DNAJC2: variants seen among roughly 807,000 people sequenced by gnomAD.
DNAJC2 encodes the protein dnaJ homolog subfamily C member 2.
A neutral mutation model predicts 94.0 loss-of-function variants in DNAJC2; 32 were observed. The ratio of observed to expected loss-of-function variants is 0.34; its 90% CI spans 0.26 to 0.46. The LOEUF (loss-of-function observed/expected upper bound fraction) is 0.46. Among genes scored for constraint, DNAJC2 ranks in the 20% least tolerant of loss-of-function variants. The pLI, the probability that DNAJC2 is intolerant of heterozygous loss-of-function variation, is 1.00. For missense variants in DNAJC2, 550 were observed against 719.5 expected, an observed-to-expected ratio of 0.76 and a Z score of 2.69; for synonymous variants, 210 against 229.7, an observed-to-expected ratio of 0.91 and a Z score of 0.77.
rs1332194393 is a variant in DNAJC2, at chr7:103,319,601, T to C, written c.1242+8A>G. On this transcript the variant is annotated splice_region_variant and intron_variant, in intron 12 of 16. Coordinates refer to ENST00000379263, the MANE Select transcript of DNAJC2 (RefSeq NM_014377.3). ...CATATAGGTAGGAGTGATGTGTTCC[T>C]CTATTACCTGTTTTTCCAAAGCAGC... 1.2e-6 allele frequency: 2 copies of C among 1,613,672 alleles called. No individual in the cohort carries two copies. The highest frequency in any genetic ancestry group is 1.3e-5 in the African/African-American group (1 of 74,916).
At chr7:103,342,821 G>A (rs1184645769) in intron 1 of DNAJC2, among the ~76,000 whole-genome samples, 1 of 151,222 alleles carries the variant, frequency 6.6e-6, no homozygotes, top group Non-Finnish European at 1.5e-5. Context: ...TATTAGCCAG[G>A]ATGGTCTTGA....
In DNAJC2 at chr7:103,332,384, G is replaced by C. The variant is rs1819012980; in HGVS notation, c.332-4630C>G. 2.0e-5 allele frequency among the ~76,000 whole-genome samples: 3 copies of C among 151,906 alleles called. No individual in the cohort carries two copies. In the South Asian group the frequency reaches 6.2e-4, roughly 32 times the overall value. ...AGGAATTGTTTGTAGGATTTTTTGGGCTCTCTTTGCTAGGTTTTGCATACT... is the reference window on the plus strand; with the variant it reads ...AGGAATTGTTTGTAGGATTTTTTGGCCTCTCTTTGCTAGGTTTTGCATACT... On this transcript the variant is annotated intron_variant, in intron 3 of 16. Transcript: ENST00000379263.
chr7:103,324,926 A>C (rs541561024), intron 5 of DNAJC2, among the ~76,000 whole-genome samples: 1 of 152,264 alleles, frequency 6.6e-6, no homozygotes, highest in East Asian at 1.9e-4. Flanking sequence ...GCACAACAAC[A>C]ACCTGTAGGC....
intron 5 of DNAJC2, among the ~76,000 whole-genome samples, chr7:103,325,747 TA>T (rs11354875): frequency 0.22 from 34,064 of 152,138 alleles, 6,139 homozygotes; most frequent in African/African-American, 0.5. Context: ...TATTGGTACA[TA>T]ACTATTTTAA....
In DNAJC2 at chr7:103,316,712, G is replaced by A. The variant is rs937581422; in HGVS notation, c.1427+118C>T. Reference sequence around the variant, plus strand: ...ACCTCACTTTTCACACTTTTCTGCTGTGGCACAGAATTTATCTCTGCAAGT... The same window carrying A: ...ACCTCACTTTTCACACTTTTCTGCTATGGCACAGAATTTATCTCTGCAAGT... On this transcript the variant is annotated intron_variant, in intron 13 of 16. Transcript: ENST00000379263. The A allele has an allele frequency of 4.0e-5, 35 of 866,388 alleles. No homozygotes were observed. The African/African-American group carries it at 5.4e-4, about 13-fold the overall frequency. The allele number at this position is 866,388 out of a possible 1,614,324, so 53.7% of individuals were successfully genotyped here.
At chr7:103,317,332 A>C (rs1168573841) in intron 12 of DNAJC2, 10 of 267,794 alleles carry the variant, frequency 3.7e-5, no homozygotes, top group Admixed American at 5.0e-5. Context: ...GGCCATTTCA[A>C]ACCTCTCTTC....
At chr7:103,327,919 TTTC>T (rs1365427296) in intron 3 of DNAJC2, among the ~76,000 whole-genome samples, 165 bp from the exon 4 acceptor site, 8 of 152,172 alleles carry the variant, frequency 5.3e-5, no homozygotes, top group African/African-American at 7.2e-5. Context: ...AACTGATTTA[TTTC>T]TTCTTATTAT....
Position 103,319,659 on chromosome 7 carries a change from T to C in DNAJC2, c.1192A>G (p.Thr398Ala), listed in dbSNP as rs1279053909. 6.2e-7 allele frequency: 1 copy of C among 1,614,144 alleles called. No individual in the cohort carries two copies. The highest frequency in any genetic ancestry group is 2.2e-5 in the East Asian group (1 of 44,866). The change falls in exon 12 of 17, where the codon ACA becomes GCA. Residue 398 changes from threonine to alanine, a missense_variant. Transcript: ENST00000379263. ...ELASLQCLNE[T>A]LTSCTKEVGK... Reference sequence around the variant, plus strand: ...ACTTCTTTTGTGCATGATGTGAGTGTTTCATTCAAGCACTGTAAGCTAAAG... The same window carrying C: ...ACTTCTTTTGTGCATGATGTGAGTGCTTCATTCAAGCACTGTAAGCTAAAG...
chr7:103,315,971 G>T lies in DNAJC2; in HGVS notation c.1528+17C>A. The T allele has an allele frequency of 6.3e-7, 1 of 1,576,300 alleles. No homozygotes were observed. Among genetic ancestry groups the T allele is most frequent in the Non-Finnish European group, 8.6e-7 (1 of 1,157,434 alleles). ...AAATAGGTGTTTAAAGTAACAAATG[G>T]ACTTCTCAAAACTCACCAAGTTTTT... On this transcript the variant is annotated intron_variant, in intron 14 of 16. Coordinates refer to ENST00000379263, the MANE Select transcript of DNAJC2 (RefSeq NM_014377.3).
chr7:103,320,653 A>G (rs1818336692), intron 10 of DNAJC2, among the ~76,000 whole-genome samples: 1 of 150,988 alleles, frequency 6.6e-6, no homozygotes, highest in Non-Finnish European at 1.5e-5. Context: ...CTGAGGCAGG[A>G]GCATGGCGTG....
chr7:103,312,403 C>T lies in DNAJC2; in HGVS notation c.*166G>A. ...ATCATACTTTCAAAGGATAAAAAGA[C>T]TACCCCTCTGAAGGTTGTTTTGTAT... On this transcript the variant is annotated 3_prime_UTR_variant, in exon 17 of 17. Coordinates refer to ENST00000379263, the MANE Select transcript of DNAJC2 (RefSeq NM_014377.3). 6.6e-7 allele frequency: 1 copy of T among 1,513,326 alleles called. No homozygotes were observed. The highest frequency in any genetic ancestry group is 8.8e-7 in the Non-Finnish European group (1 of 1,140,040). The allele number at this position is 1,513,326 out of a possible 1,614,324, so 93.7% of individuals were successfully genotyped here. A position where few individuals can be genotyped will look rare whatever the true frequency, so the allele number is the denominator to read the frequency against.
intron 3 of DNAJC2, among the ~76,000 whole-genome samples, chr7:103,332,460 T>A (rs1161083805): frequency 1.3e-5 from 2 of 152,196 alleles, no homozygotes; most frequent in African/African-American, 4.8e-5. Context: ...TCCAAAACAG[T>A]TTATGATTAA....
At chr7:103,333,503 C>G (rs559121064) in intron 3 of DNAJC2, among the ~76,000 whole-genome samples, 88 of 152,280 alleles carry the variant, frequency 5.8e-4, no homozygotes, top group African/African-American at 2.0e-3. Context: ...TCTGATTCAG[C>G]GGAGATAAAA....
At chr7:103,342,036 TAAAATC>T in intron 1 of DNAJC2, 82 bp from the exon 2 acceptor site, 4 of 1,167,478 alleles carry the variant, frequency 3.4e-6, no homozygotes, top group Non-Finnish European at 4.7e-6. Context: ...TTTCAGGAAA[TAAAATC>T]AAAACAGTGA....
At chr7:103,323,178 C>A (rs937505530) in intron 7 of DNAJC2, among the ~76,000 whole-genome samples, 2 of 152,188 alleles carry the variant, frequency 1.3e-5, no homozygotes, top group African/African-American at 4.8e-5. Context: ...GATCTGCCCG[C>A]CTCAGCCTCC....
At position 103,312,404 on chromosome 7, in the gene DNAJC2, T is replaced by C. The variant is rs1215801887; in HGVS notation, c.*165A>G. On this transcript the variant is annotated 3_prime_UTR_variant, in exon 17 of 17. Coordinates refer to ENST00000379263, the MANE Select transcript of DNAJC2 (RefSeq NM_014377.3). The stretch of plus-strand genomic sequence containing the variant: ...TCATACTTTCAAAGGATAAAAAGAC[T>C]ACCCCTCTGAAGGTTGTTTTGTATT... The C allele has an allele frequency of 5.3e-6, 8 of 1,513,114 alleles. No individual in the cohort carries two copies. The highest frequency in any genetic ancestry group is 1.4e-5 in the African/African-American group (1 of 71,150). 93.7% of individuals were successfully genotyped at this position (1,513,114 alleles called of 1,614,324 possible). A position where few individuals can be genotyped will look rare whatever the true frequency, so the allele number is the denominator to read the frequency against.
rs1586124120 is a variant in DNAJC2, at chr7:103,344,590, C to G, written c.33G>C (p.Arg11=). ...TCAGAGCGTGGGTGATGGCGGTGCC[C>G]CGGCCGTCCGCGGCGCTTGGCAGAA... MLLLPSAADG[R]GTAITHALTS... The change falls in exon 1 of 17, where the codon CGG becomes CGC. Residue 11 remains arginine, a synonymous_variant. Coordinates refer to ENST00000379263, the MANE Select transcript of DNAJC2 (RefSeq NM_014377.3). The G allele has an allele frequency of 6.2e-7, 1 of 1,613,146 alleles. No individual in the cohort carries two copies. Among genetic ancestry groups the G allele is most frequent in the Non-Finnish European group, 8.5e-7 (1 of 1,179,958 alleles).
At chr7:103,326,516 A>T (rs1213359668) in intron 5 of DNAJC2, 27 bp downstream of exon 5, 14 of 1,612,586 alleles carry the variant, frequency 8.7e-6, no homozygotes, top group Non-Finnish European at 5.1e-6. Context: ...ACAGGGCACT[A>T]TGATCAAAAG....
intron 15 of DNAJC2, chr7:103,313,433 T>A: frequency 1.0e-6 from 1 of 984,430 alleles, no homozygotes; most frequent in Non-Finnish European, 1.2e-6. Flanking sequence ...GTTGGACTCT[T>A]GGACTCAAAA....
Sources: gnomAD v4.1 joint callset for allele counts (sites outside exome capture counted in the v4.1 genomes callset) on GRCh38, gnomAD v4.1.1 for gene constraint, MANE v1.5 for transcripts, NCBI Gene and HGNC (gene_info 2026-07-23, HGNC 2026-07-21) for gene names.